Variants in SOX5 observed in about 807,000 individuals in gnomAD.
SOX5 encodes transcription factor SOX-5.
Under a neutral mutation model 92.0 loss-of-function variants are expected in SOX5, and 9 were observed. That is an observed-to-expected ratio of 0.10 (90% CI 0.06 to 0.17). The LOEUF is 0.17. Among genes scored for constraint, SOX5 ranks in the 10% least tolerant of loss-of-function variants. The pLI, the probability that SOX5 is intolerant of heterozygous loss-of-function variation, is 1.00. For missense variants in SOX5, 642 were observed against 944.5 expected (o/e 0.68, Z 4.20); for synonymous variants, 344 against 336.3 (o/e 1.02, Z -0.25).
At chr12:24,550,980 A>G (rs1953097018) in intron 1 of SOX5, among the ~76,000 whole-genome samples, 1 of 152,182 alleles carries the variant, frequency 6.6e-6, no homozygotes, top group Non-Finnish European at 1.5e-5. Flanking sequence ...TTCAGATCAA[A>G]TGAGTAGTTG....
intron 4 of SOX5, among the ~76,000 whole-genome samples, chr12:23,968,865 T>C (rs941126928): frequency 2.0e-5 from 3 of 152,218 alleles, no homozygotes; most frequent in Non-Finnish European, 4.4e-5. Flanking sequence ...AGATGCTTGG[T>C]CTGAGATTTC....
At chr12:23,722,419 C>A (rs75237411) in intron 6 of SOX5, among the ~76,000 whole-genome samples, 2,121 of 152,142 alleles carry the variant, frequency 0.014, 49 homozygotes, top group African/African-American at 0.048. Flanking sequence ...TAGTGGATGA[C>A]ATTCTTATTA....
Position 23,984,812 on chromosome 12 carries a change from T to G in SOX5, c.-1-88788A>C, listed in dbSNP as rs145859272. On this transcript the variant is annotated intron_variant, in intron 4 of 4. Transcript: ENST00000446891. ...GATGTAGCAAACCAAAGTTTTAATA[T>G]GTTGCTAAGCTAAATATTGAGTATG... Among the ~76,000 whole-genome samples, 564 of 152,336 alleles carry G rather than the reference T, an allele frequency of 3.7e-3. 8 individuals are homozygous for G. The highest frequency in any genetic ancestry group is 0.013 in the African/African-American group (543 of 41,582).
Position 23,872,129 on chromosome 12 carries a change from C to T in SOX5, c.270+23664G>A, listed in dbSNP as rs1343146803. ...TCTCCTGCCTCAGCCTCCCGAGTAG[C>T]TGGGACTACAGGCGCCCGCCACCAC... On this transcript the variant is annotated intron_variant, in intron 2 of 14. Coordinates refer to ENST00000451604, the MANE Select transcript of SOX5 (RefSeq NM_006940.6). Among the ~76,000 whole-genome samples, 7 of 146,814 alleles carry T rather than the reference C, an allele frequency of 4.8e-5. No homozygotes were observed. The Admixed American group carries it at 4.8e-4, about 10-fold the overall frequency.
intron 7 of SOX5, among the ~76,000 whole-genome samples, chr12:23,658,630 T>A (rs74790580): frequency 6.6e-6 from 1 of 152,134 alleles, no homozygotes; most frequent in Admixed American, 6.5e-5. Context: ...TGGTGGCTCA[T>A]GCCTTAATCC....
At chr12:24,019,195 C>T (rs1183612048) in intron 4 of SOX5, among the ~76,000 whole-genome samples, 9 of 152,122 alleles carry the variant, frequency 5.9e-5, no homozygotes, top group African/African-American at 2.4e-5. Context: ...AGGCTGGGCT[C>T]GAACTCCTGA....
chr12:23,830,289 G>A lies in SOX5; in HGVS notation c.481+15694C>T, dbSNP rs565273902. Among the ~76,000 whole-genome samples, 72 of 152,136 alleles carry A rather than the reference G, an allele frequency of 4.7e-4. 1 individual carries two copies. The highest frequency in any genetic ancestry group is 9.7e-4 in the East Asian group (5 of 5,166). On this transcript the variant is annotated intron_variant, in intron 3 of 14. Transcript: ENST00000451604. ...TCTTTATCATCATTTTATGAGTGTC[G>A]ATTTCCATACAGTGGTGCTTTTGAA...
At chr12:23,615,513 C>T (rs1438347755) in intron 8 of SOX5, among the ~76,000 whole-genome samples, 2 of 152,102 alleles carry the variant, frequency 1.3e-5, no homozygotes, top group African/African-American at 4.8e-5. Context: ...TCTCTACCTT[C>T]AAATAGGCCC....
At chr12:24,457,350 G>A (rs1030661816) in intron 1 of SOX5, among the ~76,000 whole-genome samples, 3 of 151,986 alleles carry the variant, frequency 2.0e-5, no homozygotes, top group African/African-American at 4.8e-5. Flanking sequence ...AAATATATAC[G>A]TCTGTGAATC....
At chr12:24,062,382 A>G (rs537228507) in intron 4 of SOX5, among the ~76,000 whole-genome samples, 12 of 152,342 alleles carry the variant, frequency 7.9e-5, no homozygotes, top group Non-Finnish European at 1.8e-4. Context: ...AGAGAATGCT[A>G]TGTGATATAA....
At chr12:23,894,552 T>C in intron 2 of SOX5, among the ~76,000 whole-genome samples, 1 of 151,950 alleles carries the variant, frequency 6.6e-6, no homozygotes, top group Non-Finnish European at 1.5e-5. Context: ...GGTGGAAAAA[T>C]CTTGGAATTG....
chr12:24,375,163 CG>C (rs1957129836), intron 1 of SOX5, among the ~76,000 whole-genome samples: 1 of 151,444 alleles, frequency 6.6e-6, no homozygotes, highest in Non-Finnish European at 1.5e-5. Flanking sequence ...TTAGTAGAGA[CG>C]GGGTTTCACC....
intron 4 of SOX5, among the ~76,000 whole-genome samples, chr12:23,747,250 C>T (rs2094017027): frequency 6.6e-6 from 1 of 152,110 alleles, no homozygotes; most frequent in Non-Finnish European, 1.5e-5. Context: ...CACTATTACT[C>T]CTTAATCCAG....
intron 1 of SOX5, among the ~76,000 whole-genome samples, chr12:24,511,771 A>G (rs1949331637): frequency 6.6e-6 from 1 of 152,046 alleles, no homozygotes; most frequent in Admixed American, 6.5e-5. Context: ...ATCCTGGCTA[A>G]CATTGTGAAA....
At chr12:24,262,530 C>T (rs78419028) in intron 3 of SOX5, among the ~76,000 whole-genome samples, 1 of 152,128 alleles carries the variant, frequency 6.6e-6, no homozygotes, top group Non-Finnish European at 1.5e-5. Flanking sequence ...TCTACATGGG[C>T]AAACATTAAA....
intron 1 of SOX5, among the ~76,000 whole-genome samples, chr12:24,485,244 A>G (rs1300597701): frequency 2.0e-5 from 3 of 152,224 alleles, no homozygotes; most frequent in Admixed American, 2.0e-4. Context: ...GATGATTAAA[A>G]TAACATTTGG....
chr12:24,310,844 C>A (rs1949091776), intron 2 of SOX5, among the ~76,000 whole-genome samples: 1 of 150,828 alleles, frequency 6.6e-6, no homozygotes, highest in African/African-American at 2.5e-5. Flanking sequence ...TCAGTGTTTT[C>A]AATTTTTTTG....
intron 1 of SOX5, among the ~76,000 whole-genome samples, chr12:24,510,524 G>A (rs1480934981): frequency 2.0e-5 from 3 of 152,136 alleles, no homozygotes; most frequent in Non-Finnish European, 2.9e-5. Context: ...AGAATAACCA[G>A]ACAGGAAGTA....
chr12:23,984,459 T>C (rs550166429), intron 4 of SOX5, among the ~76,000 whole-genome samples: 15 of 152,262 alleles, frequency 9.9e-5, no homozygotes, highest in Non-Finnish European at 1.0e-4. Context: ...CATTGGTTGG[T>C]TGAAGGAGGT....
Sources: allele counts gnomAD v4.1 joint callset (sites outside exome capture counted in the v4.1 genomes callset), GRCh38; gene constraint gnomAD v4.1.1; transcripts MANE v1.5; gene names NCBI Gene and HGNC (gene_info 2026-07-23, HGNC 2026-07-21).